RHBDD1: variants seen among roughly 807,000 people sequenced by gnomAD.
RHBDD1 encodes the protein rhomboid domain containing 1.
Under a neutral mutation model 36.3 loss-of-function variants are expected in RHBDD1, and 38 were observed. That is an observed-to-expected ratio of 1.05 (90% CI 0.81 to 1.37). The LOEUF is 1.37. Among genes scored for constraint, RHBDD1 ranks in the 40% most tolerant of loss-of-function variants. The pLI is 0.00. For missense variants in RHBDD1, 393 were observed against 377.6 expected (o/e 1.04, Z -0.34); for synonymous variants, 151 against 136.5 (o/e 1.11, Z -0.74).
intron 8 of RHBDD1, among the ~76,000 whole-genome samples, chr2:226,924,589 C>T (rs929724903): frequency 2.0e-5 from 3 of 152,162 alleles, no homozygotes; most frequent in South Asian, 4.1e-4. Context: ...AGAGCTTACC[C>T]AAGAATTGCA....
At chr2:226,977,800 A>G (rs1001513179) in intron 8 of RHBDD1, among the ~76,000 whole-genome samples, 7 of 152,210 alleles carry the variant, frequency 4.6e-5, no homozygotes, top group Non-Finnish European at 8.8e-5. Flanking sequence ...GAATTGGCCT[A>G]TTGTTCTAAG....
intron 8 of RHBDD1, among the ~76,000 whole-genome samples, chr2:226,988,944 A>G (rs1957587624): frequency 6.6e-6 from 1 of 152,236 alleles, no homozygotes; most frequent in Non-Finnish European, 1.5e-5. Flanking sequence ...GCCTTATTTA[A>G]GGCAGAAGAT....
intron 1 of RHBDD1, 127 bp downstream of exon 1, chr2:226,836,214 G>C (rs1021752021): frequency 6.5e-6 from 1 of 152,818 alleles, no homozygotes; most frequent in Admixed American, 6.5e-5. Context: ...GCGCCTCCCG[G>C]GGGGCTAGGG....
intron 8 of RHBDD1, among the ~76,000 whole-genome samples, chr2:226,954,407 C>G (rs1472433330): frequency 6.6e-6 from 1 of 151,668 alleles, no homozygotes; most frequent in East Asian, 1.9e-4. Context: ...TTTAATAATC[C>G]CTTGTTTTGT....
intron 5 of RHBDD1, among the ~76,000 whole-genome samples, chr2:226,881,865 A>G (rs1271902518): frequency 1.3e-5 from 2 of 151,652 alleles, no homozygotes; most frequent in East Asian, 1.9e-4. Context: ...AGCCAGTTCT[A>G]TTTTCTTGTC....
At chr2:226,992,361 A>T (rs1452743252) in intron 8 of RHBDD1, among the ~76,000 whole-genome samples, 2 of 152,228 alleles carry the variant, frequency 1.3e-5, no homozygotes, top group Non-Finnish European at 2.9e-5. Flanking sequence ...CTCATATTCA[A>T]AACAGTGTAG....
intron 8 of RHBDD1, among the ~76,000 whole-genome samples, chr2:226,986,699 G>A (rs1463648694): frequency 1.3e-5 from 2 of 152,256 alleles, no homozygotes; most frequent in Non-Finnish European, 2.9e-5. Context: ...TGGAGAGGAT[G>A]TGGAAAATGG....
At chr2:226,941,140 G>A (rs567908669) in intron 8 of RHBDD1, among the ~76,000 whole-genome samples, 1 of 152,092 alleles carries the variant, frequency 6.6e-6, no homozygotes, top group East Asian at 1.9e-4. Context: ...TTGTTTGTTT[G>A]TTTGTTTTTA....
chr2:226,982,517 C>T (rs1035488999), intron 8 of RHBDD1, among the ~76,000 whole-genome samples: 38 of 152,208 alleles, frequency 2.5e-4, no homozygotes, highest in Admixed American at 2.0e-4. Context: ...AGATGTAATA[C>T]ATCTCATATC....
At chr2:226,814,452 T>C in the RHBDD1 span, among the ~76,000 whole-genome samples, 99 of 152,208 alleles carry the variant, frequency 6.5e-4, no homozygotes, top group African/African-American at 2.3e-3. Context: ...ACTTAGCTTG[T>C]CAGTAATGAG....
intron 8 of RHBDD1, among the ~76,000 whole-genome samples, chr2:226,942,996 T>C (rs1185797735): frequency 6.6e-6 from 1 of 152,236 alleles, no homozygotes; most frequent in Non-Finnish European, 1.5e-5. Context: ...CTTACAGTTA[T>C]ACCCATTCTC....
chr2:226,880,178 A>G (rs1248476922), intron 5 of RHBDD1, among the ~76,000 whole-genome samples: 3 of 152,178 alleles, frequency 2.0e-5, no homozygotes, highest in African/African-American at 7.2e-5. Context: ...TGACAAGTGT[A>G]TATAGAATGA....
chr2:226,933,897 C>T (rs142417505), intron 8 of RHBDD1, among the ~76,000 whole-genome samples: 403 of 152,140 alleles, frequency 2.6e-3, no homozygotes, highest in Non-Finnish European at 3.5e-3. Context: ...GAGGATTTTT[C>T]CATCATGAAA....
At position 226,999,144 on chromosome 2, in the gene RHBDD1, CAG is replaced by C. The variant is rs1280068566; in HGVS notation, c.*3623_*3624del. ...CCATCTGTTTCTCTGTCTCTCCTCACAGTGCCTTGAGCAGTACGTTGTCTGGA... is the reference window on the plus strand; with the variant it reads ...CCATCTGTTTCTCTGTCTCTCCTCACTGCCTTGAGCAGTACGTTGTCTGGA... On this transcript the variant is annotated 3_prime_UTR_variant, in exon 9 of 9. Coordinates refer to ENST00000392062, the MANE Select transcript of RHBDD1 (RefSeq NM_001167608.3). 1 of 152,234 alleles carries C rather than the reference CAG, an allele frequency of 6.6e-6. No homozygotes were observed. Among genetic ancestry groups the C allele is most frequent in the East Asian group, 1.9e-4 (1 of 5,196 alleles). The allele number at this position is 152,234 out of a possible 1,614,324, so 9.4% of individuals were successfully genotyped here. A position where few individuals can be genotyped will look rare whatever the true frequency, so the allele number is the denominator to read the frequency against.
the RHBDD1 span, among the ~76,000 whole-genome samples, chr2:226,822,125 G>C: frequency 6.6e-6 from 1 of 152,102 alleles, no homozygotes; most frequent in South Asian, 2.1e-4. Flanking sequence ...AAAAACTTCT[G>C]TTAGGCCCAC....
the RHBDD1 span, among the ~76,000 whole-genome samples, chr2:226,808,989 T>G: frequency 6.6e-6 from 1 of 152,190 alleles, no homozygotes; most frequent in African/African-American, 2.4e-5. Context: ...GAGTTTCAGG[T>G]GCTTATTGAT....
At chr2:226,975,186 A>T (rs1029935460) in intron 8 of RHBDD1, among the ~76,000 whole-genome samples, 1 of 152,216 alleles carries the variant, frequency 6.6e-6, no homozygotes, top group Non-Finnish European at 1.5e-5. Context: ...ATAAATGAGA[A>T]TAAAGAGAAA....
chr2:226,857,376 CAGTT>C (rs922451925), intron 3 of RHBDD1, among the ~76,000 whole-genome samples: 1 of 151,982 alleles, frequency 6.6e-6, no homozygotes, highest in Admixed American at 6.6e-5. Flanking sequence ...AAAAATTTCA[CAGTT>C]ACTCAGAAAG....
intron 5 of RHBDD1, 34 bp downstream of exon 5, chr2:226,867,352 G>A (rs752542829): frequency 6.3e-7 from 1 of 1,590,846 alleles, no homozygotes; most frequent in Non-Finnish European, 8.5e-7. Flanking sequence ...ACAGTTGAAG[G>A]ACCTGATGTT....
Sources: gnomAD v4.1 joint callset for allele counts (sites outside exome capture counted in the v4.1 genomes callset) on GRCh38, gnomAD v4.1.1 for gene constraint, MANE v1.5 for transcripts, NCBI Gene and HGNC (gene_info 2026-07-23, HGNC 2026-07-21) for gene names.